PLCXD3: variants seen among roughly 807,000 people sequenced by gnomAD.
PLCXD3 encodes PI-PLC X domain-containing protein 3.
Under a neutral mutation model 25.5 loss-of-function variants are expected in PLCXD3, and 19 were observed. The ratio of observed to expected loss-of-function variants is 0.75; its 90% CI spans 0.52 to 1.09. The LOEUF is 1.09. Among genes scored for constraint, PLCXD3 ranks in the 50% least tolerant of loss-of-function variants. The pLI is 0.00. For missense variants in PLCXD3, 411 were observed against 388.1 expected, an observed-to-expected ratio of 1.06 and a Z score of -0.50; for synonymous variants, 174 against 137.6, an observed-to-expected ratio of 1.26 and a Z score of -1.85.
intron 1 of PLCXD3, among the ~76,000 whole-genome samples, chr5:41,506,508 T>C (rs1334679714): frequency 1.3e-5 from 2 of 152,220 alleles, no homozygotes; most frequent in Non-Finnish European, 2.9e-5. Flanking sequence ...GAACTGCTCT[T>C]GTTTTGTTCT....
intron 2 of PLCXD3, among the ~76,000 whole-genome samples, chr5:41,368,953 C>T (rs370142185): frequency 3.9e-5 from 6 of 152,124 alleles, no homozygotes; most frequent in Admixed American, 6.6e-5. Context: ...TCATGGTTTA[C>T]GATATTGAAA....
intron 2 of PLCXD3, among the ~76,000 whole-genome samples, chr5:41,318,212 A>C (rs1276362963): frequency 6.6e-6 from 1 of 152,202 alleles, no homozygotes; most frequent in African/African-American, 2.4e-5. Flanking sequence ...ATCAAAAAGA[A>C]AAGGACATTA....
At chr5:41,397,512 C>G (rs1197496709) in intron 1 of PLCXD3, among the ~76,000 whole-genome samples, 1 of 152,114 alleles carries the variant, frequency 6.6e-6, no homozygotes, top group Non-Finnish European at 1.5e-5. Flanking sequence ...GTAGAGCTCT[C>G]CTAGTACAGG....
chr5:41,442,367 T>G (rs1330565176), intron 1 of PLCXD3, among the ~76,000 whole-genome samples: 5 of 152,202 alleles, frequency 3.3e-5, no homozygotes, highest in Non-Finnish European at 7.4e-5. Flanking sequence ...TTTTCTGAAA[T>G]GTTAATGTAT....
intron 1 of PLCXD3, among the ~76,000 whole-genome samples, chr5:41,416,248 A>T (rs1746689130): frequency 6.6e-6 from 1 of 152,160 alleles, no homozygotes; most frequent in Non-Finnish European, 1.5e-5. Flanking sequence ...GGGTGAGGAG[A>T]TCTAGAAGGA....
chr5:41,429,254 G>T (rs1328636554), intron 1 of PLCXD3, among the ~76,000 whole-genome samples: 1 of 151,886 alleles, frequency 6.6e-6, no homozygotes, highest in Non-Finnish European at 1.5e-5. Flanking sequence ...AAAGGACAAA[G>T]TGATCTTCCA....
At chr5:41,339,450 ATT>A (rs70988843) in intron 2 of PLCXD3, among the ~76,000 whole-genome samples, 8 of 147,912 alleles carry the variant, frequency 5.4e-5, no homozygotes, top group East Asian at 2.0e-4. Context: ...AAATCATACT[ATT>A]TTTTTTTTTC....
At chr5:41,340,694 T>A (rs1561238022) in intron 2 of PLCXD3, among the ~76,000 whole-genome samples, 1 of 152,154 alleles carries the variant, frequency 6.6e-6, no homozygotes, top group Non-Finnish European at 1.5e-5. Flanking sequence ...CAGGCAGAAC[T>A]GTTTAGAGGG....
intron 2 of PLCXD3, among the ~76,000 whole-genome samples, chr5:41,363,235 A>G (rs1265442832): frequency 6.6e-6 from 1 of 152,196 alleles, no homozygotes; most frequent in Non-Finnish European, 1.5e-5. Flanking sequence ...CCGTTTATTA[A>G]TTTGTCTCTC....
At chr5:41,501,416 G>A (rs1748948032) in intron 1 of PLCXD3, among the ~76,000 whole-genome samples, 1 of 152,040 alleles carries the variant, frequency 6.6e-6, no homozygotes, top group Non-Finnish European at 1.5e-5. Context: ...AAGACATTAT[G>A]CGAACTGAAA....
At chr5:41,444,340 T>C (rs957381761) in intron 1 of PLCXD3, among the ~76,000 whole-genome samples, 1 of 152,124 alleles carries the variant, frequency 6.6e-6, no homozygotes, top group African/African-American at 2.4e-5. Context: ...TAAATTATAA[T>C]GATAGCACTT....
chr5:41,474,858 T>C (rs1168623422), intron 1 of PLCXD3, among the ~76,000 whole-genome samples: 1 of 152,114 alleles, frequency 6.6e-6, no homozygotes, highest in Non-Finnish European at 1.5e-5. Flanking sequence ...CAAATACCAG[T>C]GGAAATCTTA....
chr5:41,382,499 C>T lies in PLCXD3; in HGVS notation c.139G>A (p.Ala47Thr), dbSNP rs1456670391. The T allele has an allele frequency of 1.2e-6, 2 of 1,605,766 alleles. No individual in the cohort carries two copies. Among genetic ancestry groups the T allele is most frequent in the Non-Finnish European group, 1.7e-6 (2 of 1,178,682 alleles). The change falls in exon 2 of 3, where the codon GCC becomes ACC. Residue 47 changes from alanine (A) to threonine (T), a missense_variant. Coordinates refer to ENST00000377801, the MANE Select transcript of PLCXD3 (RefSeq NM_001005473.3). ...GGCTGCTCAGGACCTACTGGAGAGG[C>T]TTCATCAATGTAGAAGCTGAAGGAA... Reference protein sequence around the residue: ...HDSFSFYIDEASPVGPEQPET... With the variant: ...HDSFSFYIDETSPVGPEQPET...
chr5:41,456,293 T>C (rs945606278), intron 1 of PLCXD3, among the ~76,000 whole-genome samples: 3 of 151,952 alleles, frequency 2.0e-5, no homozygotes, highest in Non-Finnish European at 4.4e-5. Flanking sequence ...GTGGAAATTA[T>C]CTGAATCCTG....
At position 41,313,563 on chromosome 5, in the gene PLCXD3, C is replaced by G. The variant is rs1580291543; in HGVS notation, c.*54G>C. 5.6e-6 allele frequency: 9 copies of G among 1,598,866 alleles called. No homozygotes were observed. The East Asian group carries it at 2.0e-4, about 36-fold the overall frequency. On this transcript the variant is annotated 3_prime_UTR_variant, in exon 3 of 3. Transcript: ENST00000377801. ...GATCAGAGTGTTTACAGATAGTATG[C>G]CCTAATACAATGAGCTTTCTCCATC...
At chr5:41,433,304 A>G (rs1277738574) in intron 1 of PLCXD3, among the ~76,000 whole-genome samples, 3 of 152,208 alleles carry the variant, frequency 2.0e-5, no homozygotes, top group Non-Finnish European at 4.4e-5. Context: ...TGAGGATTTT[A>G]TGATAATAAG....
chr5:41,436,106 C>T (rs771046895), intron 1 of PLCXD3, among the ~76,000 whole-genome samples: 5 of 152,132 alleles, frequency 3.3e-5, no homozygotes, highest in African/African-American at 9.7e-5. Flanking sequence ...GTGAGATATA[C>T]TGGCCACCCA....
At chr5:41,436,271 A>G (rs570828454) in intron 1 of PLCXD3, among the ~76,000 whole-genome samples, 2 of 152,052 alleles carry the variant, frequency 1.3e-5, no homozygotes, top group African/African-American at 2.4e-5. Flanking sequence ...TGCCATCCCT[A>G]TAAATATGTA....
chr5:41,415,727 G>GA (rs1746677339), intron 1 of PLCXD3, among the ~76,000 whole-genome samples: 1 of 152,154 alleles, frequency 6.6e-6, no homozygotes, highest in Non-Finnish European at 1.5e-5. Flanking sequence ...TTTAGAATAG[G>GA]AAGGGATATT....
Sources: gnomAD v4.1 joint callset for allele counts (sites outside exome capture counted in the v4.1 genomes callset) on GRCh38, gnomAD v4.1.1 for gene constraint, MANE v1.5 for transcripts, NCBI Gene and HGNC (gene_info 2026-07-23, HGNC 2026-07-21) for gene names.